Variants in CARS2 observed in about 807,000 individuals in gnomAD.
CARS2 encodes the protein cysteinyl-tRNA synthetase 2, mitochondrial.
In CARS2, 52 loss-of-function variants were observed where a neutral mutation model predicts 68.8. That is an observed-to-expected ratio of 0.76 (90% CI 0.61 to 0.95). The LOEUF is 0.95. Among genes scored for constraint, CARS2 ranks in the 40% least tolerant of loss-of-function variants. The probability of loss-of-function intolerance (pLI) is 0.00; values close to 1 mark genes in which losing one functional copy is unlikely to be tolerated. For missense variants in CARS2, 780 were observed against 754.2 expected (o/e 1.03, Z -0.40); for synonymous variants, 314 against 303.6 (o/e 1.03, Z -0.36).
intron 12 of CARS2, chr13:110,644,737 C>G: frequency 2.1e-6 from 1 of 478,880 alleles, no homozygotes; most frequent in South Asian, 2.6e-5. Context: ...CATCAGGCTT[C>G]GCGGGTGAAG....
At chr13:110,707,779 T>G (rs901293545), upstream of CARS2, 5 of 152,236 alleles carry the variant, frequency 3.3e-5, no homozygotes, top group Admixed American at 1.3e-4. Context: ...TTTAGTTTGC[T>G]TTGGTGTTTT....
At chr13:110,664,870 G>A (rs1454931370) in intron 8 of CARS2, 22 of 483,112 alleles carry the variant, frequency 4.6e-5, no homozygotes, top group Admixed American at 1.9e-4. Flanking sequence ...AGGCCCTCCC[G>A]AGACACCGAG....
At chr13:110,682,801 ACT>A (rs1193955441) in intron 6 of CARS2, among the ~76,000 whole-genome samples, 9 of 152,126 alleles carry the variant, frequency 5.9e-5, no homozygotes, top group African/African-American at 2.4e-5. Flanking sequence ...AGTGACCAGC[ACT>A]GTCTCCAGGG....
intron 7 of CARS2, 42 bp from the exon 8 acceptor site, chr13:110,667,515 C>A (rs368114798): frequency 6.3e-7 from 1 of 1,593,074 alleles, no homozygotes; most frequent in South Asian, 1.1e-5. Context: ...TTCAATCAAG[C>A]AACATATTTT....
At chr13:110,691,998 A>AAAT (rs1162672469) in intron 3 of CARS2, among the ~76,000 whole-genome samples, 7 of 78,066 alleles carry the variant, frequency 9.0e-5, no homozygotes, top group Admixed American at 2.6e-4. Flanking sequence ...AAAAAAAAAA[A>AAAT]AAAAAATATA....
At chr13:110,677,465 C>T (rs553542826) in intron 6 of CARS2, among the ~76,000 whole-genome samples, 4 of 145,300 alleles carry the variant, frequency 2.8e-5, no homozygotes, top group East Asian at 2.0e-4. Context: ...ACCACGGACA[C>T]GCAGACAGTC....
intron 8 of CARS2, chr13:110,666,953 G>C: frequency 1.0e-6 from 1 of 985,432 alleles, no homozygotes; most frequent in Non-Finnish European, 1.2e-6. Context: ...TTAGGTGTTT[G>C]AACAGTGGAA....
rs114288528 is a variant in CARS2, at chr13:110,668,715, A to G, written c.786-1242T>C. ...TCTCCCTTCCGAAGATCTGAAGCCA[A>G]CACAACGACGTGAAAGTTTCACAAG... On this transcript the variant is annotated intron_variant, in intron 7 of 14. Transcript: ENST00000257347. This position sits in a 1 kb window ranked among gnomAD's most constrained non-coding sequence, Gnocchi z 4.1. Among the ~76,000 whole-genome samples, 781 of 152,296 alleles carry G rather than the reference A, an allele frequency of 5.1e-3. 10 individuals carry two copies. The highest frequency in any genetic ancestry group is 0.018 in the African/African-American group (745 of 41,552).
At chr13:110,698,201 T>C (rs996465123) in intron 3 of CARS2, among the ~76,000 whole-genome samples, 6 of 152,140 alleles carry the variant, frequency 3.9e-5, no homozygotes, top group African/African-American at 1.4e-4. Flanking sequence ...TTAAAAAGTA[T>C]GTATATGTAT....
chr13:110,712,644 G>C, intron 1 of CARS2: 1 of 586,744 alleles, frequency 1.7e-6, no homozygotes, highest in Non-Finnish European at 3.2e-6. Flanking sequence ...GGCGACGCGG[G>C]GGAGGGCGGT....
upstream of CARS2, among the ~76,000 whole-genome samples, chr13:110,709,025 G>A (rs2064005019): frequency 1.3e-5 from 2 of 151,854 alleles, no homozygotes; most frequent in African/African-American, 2.4e-5. Context: ...GCCTCCCAAA[G>A]CGGTGGGAAT....
intron 9 of CARS2, among the ~76,000 whole-genome samples, chr13:110,652,473 G>C (rs528754025): frequency 6.6e-5 from 10 of 152,096 alleles, no homozygotes; most frequent in Non-Finnish European, 1.3e-4. Context: ...AGAAGGGGCT[G>C]TCCCTGCTTC....
chr13:110,642,718 A>C, intron 13 of CARS2, 197 bp from the exon 14 acceptor site: 1 of 759,336 alleles, frequency 1.3e-6, no homozygotes, highest in Non-Finnish European at 2.4e-6. Context: ...GGCTCCACTC[A>C]ACTCTGAGCA....
At chr13:110,706,245 T>C (rs2063956492), upstream of CARS2, 1 of 477,714 alleles carries the variant, frequency 2.1e-6, no homozygotes, top group Admixed American at 4.9e-5. Context: ...CGCCTCCCTT[T>C]GGCCTGGCTC....
chr13:110,707,966 T>C (rs1236382230), upstream of CARS2, among the ~76,000 whole-genome samples: 3 of 152,236 alleles, frequency 2.0e-5, no homozygotes, highest in Non-Finnish European at 4.4e-5. Flanking sequence ...CCTACATCAA[T>C]GCTAACCACT....
chr13:110,644,708 A>G, intron 12 of CARS2: 1 of 659,656 alleles, frequency 1.5e-6, no homozygotes, highest in Non-Finnish European at 2.4e-6. Context: ...CCCATCAGTC[A>G]TGTGGGTGGT....
chr13:110,648,134 G>A (rs912738571), intron 10 of CARS2, among the ~76,000 whole-genome samples: 1 of 152,158 alleles, frequency 6.6e-6, no homozygotes, highest in African/African-American at 2.4e-5. Flanking sequence ...ACCTCCCCCA[G>A]GGCTGTCTAA....
In CARS2 at chr13:110,665,936, G is replaced by C; in HGVS notation, c.919+1404C>G. On this transcript the variant is annotated intron_variant, in intron 8 of 14. Transcript: ENST00000257347. This position sits in a 1 kb window ranked among gnomAD's most constrained non-coding sequence, Gnocchi z 4.3. ...TCCTGTATTTCAGATGTCAAAGTTT[G>C]CATCTCCAAATCTATCACTACCAAA... 1.0e-6 allele frequency: 1 copy of C among 985,288 alleles called. No homozygotes were observed. Among genetic ancestry groups the C allele is most frequent in the Non-Finnish European group, 1.2e-6 (1 of 829,876 alleles). The allele number at this position is 985,288 out of a possible 1,614,324, so 61.0% of individuals were successfully genotyped here. A position where few individuals can be genotyped will look rare whatever the true frequency, so the allele number is the denominator to read the frequency against.
chr13:110,658,520 T>A (rs993302987), intron 9 of CARS2, among the ~76,000 whole-genome samples: 4 of 152,152 alleles, frequency 2.6e-5, no homozygotes, highest in Non-Finnish European at 5.9e-5. Flanking sequence ...GTGGTTTTTT[T>A]AACCACATTA....
Sources: gnomAD v4.1 joint callset for allele counts (sites outside exome capture counted in the v4.1 genomes callset) on GRCh38, gnomAD v4.1.1 for gene constraint, Gnocchi (gnomAD v3.1) non-coding constraint, MANE v1.5 for transcripts, NCBI Gene and HGNC (gene_info 2026-07-23, HGNC 2026-07-21) for gene names.